Variants in SH3TC2 observed in about 807,000 individuals in gnomAD.
SH3TC2 encodes the protein SH3 domain and tetratricopeptide repeat-containing protein 2.
SH3TC2 carries 87 observed loss-of-function variants against 124.5 expected under a neutral mutation model. That is an observed-to-expected ratio of 0.70 (90% CI 0.59 to 0.84). The LOEUF (loss-of-function observed/expected upper bound fraction) is 0.84, where lower values mean the gene tolerates loss of function less well. SH3TC2 is among the 40% of genes least tolerant of loss of function. SH3TC2 has a pLI of 0.00. For missense variants in SH3TC2, 1,536 were observed against 1,566.4 expected (o/e 0.98, Z 0.33); for synonymous variants, 634 against 628.5 (o/e 1.01, Z -0.13).
Position 149,001,763 on chromosome 5 carries a change from C to A in SH3TC2, c.*2948G>T, listed in dbSNP as rs1753601941. 6.6e-6 allele frequency: 1 copy of A among 151,978 alleles called. No individual in the cohort carries two copies. The highest frequency in any genetic ancestry group is 2.1e-4 in the South Asian group (1 of 4,828). 9.4% of individuals were successfully genotyped at this position (151,978 alleles called of 1,614,324 possible). A position where few individuals can be genotyped will look rare whatever the true frequency, so the allele number is the denominator to read the frequency against. On this transcript the variant is annotated 3_prime_UTR_variant, in exon 17 of 17. Transcript: ENST00000515425. ...TAACTGACCTGGTTATGGGTAAATTCATCAGATTTATAGGTAAATCAAAGT... is the reference window on the plus strand; with the variant it reads ...TAACTGACCTGGTTATGGGTAAATTAATCAGATTTATAGGTAAATCAAAGT...
In SH3TC2 at chr5:148,994,081, T is replaced by C. The variant is rs1021914202; in HGVS notation, c.*10630A>G. ...TAAGCAGTGGAGCTGTTCAGTCTAC[T>C]ACCATGCATCCCAGACAGGATGTTC... is the stretch of plus-strand genomic sequence containing the variant. On this transcript the variant is annotated 3_prime_UTR_variant, in exon 17 of 17. Transcript: ENST00000515425. 9.8e-5 allele frequency among the ~76,000 whole-genome samples: 15 copies of C among 152,354 alleles called. No homozygotes were observed. Among genetic ancestry groups the C allele is most frequent in the African/African-American group, 3.6e-4 (15 of 41,582 alleles).
intron 5 of SH3TC2, 66 bp from the exon 6 acceptor site, chr5:149,041,683 C>T: frequency 3.3e-6 from 5 of 1,528,806 alleles, no homozygotes; most frequent in Non-Finnish European, 4.5e-6. Context: ...GATTATCACA[C>T]AAAGTAATGC....
At chr5:149,025,381 A>G (rs1490758735) in intron 12 of SH3TC2, among the ~76,000 whole-genome samples, 1 of 152,226 alleles carries the variant, frequency 6.6e-6, no homozygotes, top group Non-Finnish European at 1.5e-5. Context: ...CTGATTGTCC[A>G]GGTGCACACA....
At position 149,026,857 on chromosome 5, in the gene SH3TC2, T is replaced by C; in HGVS notation, c.2872+3A>G. 6.2e-7 allele frequency: 1 copy of C among 1,614,236 alleles called. No homozygotes were observed. The highest frequency in any genetic ancestry group is 2.2e-5 in the East Asian group (1 of 44,886). On this transcript the variant is annotated splice_donor_region_variant and intron_variant, in intron 11 of 16. Coordinates refer to ENST00000515425, the MANE Select transcript of SH3TC2 (RefSeq NM_024577.4). ...GCTTCCCAGCAGCATGGGACATACT[T>C]ACTCTTTAGATGTCGATGCCTTAAG...
Position 148,990,252 on chromosome 5 carries a change from A to G in SH3TC2, c.*14459T>C, listed in dbSNP as rs1030064403. 1.3e-4 allele frequency among the ~76,000 whole-genome samples: 19 copies of G among 151,312 alleles called. No homozygotes were observed. Among genetic ancestry groups the G allele is most frequent in the African/African-American group, 4.4e-4 (18 of 40,722 alleles). ...GACATTGGTCATTTAAAATATATTCATAGTAAGATGACAAACTGTTCCTCT... is the reference window on the plus strand; with the variant it reads ...GACATTGGTCATTTAAAATATATTCGTAGTAAGATGACAAACTGTTCCTCT... On this transcript the variant is annotated 3_prime_UTR_variant, in exon 17 of 17. Transcript: ENST00000515425.
chr5:148,996,216 C>G lies in SH3TC2; in HGVS notation c.*8495G>C, dbSNP rs1212239868. 6.6e-6 allele frequency among the ~76,000 whole-genome samples: 1 copy of G among 152,006 alleles called. No individual in the cohort carries two copies. The highest frequency in any genetic ancestry group is 2.4e-5 in the African/African-American group (1 of 41,372). On this transcript the variant is annotated 3_prime_UTR_variant, in exon 17 of 17. Transcript: ENST00000515425. ...TCGAGGTAGCAGTGAACCATGGCCA[C>G]CCCACTGCACTCCAGCCTGGGCAAC...
rs752423955 is a variant in SH3TC2, at chr5:148,988,307, A to G, written c.*16404T>C. 6.6e-6 allele frequency among the ~76,000 whole-genome samples: 1 copy of G among 152,184 alleles called. No homozygotes were observed. Among genetic ancestry groups the G allele is most frequent in the Non-Finnish European group, 1.5e-5 (1 of 68,028 alleles). On this transcript the variant is annotated 3_prime_UTR_variant, in exon 17 of 17. Transcript: ENST00000515425. ...TCTGGTCTTGTAAAGCTGCCTTACT[A>G]TCTAGTCCCCAAGATAGCCCCAAGT...
chr5:149,037,974 C>T (rs959914075), intron 8 of SH3TC2, among the ~76,000 whole-genome samples: 2 of 152,102 alleles, frequency 1.3e-5, no homozygotes, highest in African/African-American at 4.8e-5. Context: ...TCTGAAGGGG[C>T]CCTGTGGTTA....
chr5:149,029,674 G>A (rs555271812), intron 9 of SH3TC2, among the ~76,000 whole-genome samples: 99 of 152,088 alleles, frequency 6.5e-4, no homozygotes, highest in Non-Finnish European at 1.2e-3. Context: ...GAGAGAAAAG[G>A]GGGTTACAGA....
intron 13 of SH3TC2, 101 bp from the exon 14 acceptor site, chr5:149,010,493 C>T (rs1455189702): frequency 5.2e-6 from 8 of 1,527,184 alleles, no homozygotes; most frequent in Admixed American, 1.8e-5. Context: ...TCAACTAATC[C>T]TCTGCTAAAG....
chr5:149,033,135 C>T (rs1427649910), intron 8 of SH3TC2, among the ~76,000 whole-genome samples: 1 of 152,080 alleles, frequency 6.6e-6, no homozygotes, highest in Non-Finnish European at 1.5e-5. Flanking sequence ...AATTGCATGG[C>T]TAGAAAGTGG....
At chr5:149,016,078 T>G (rs950799578) in intron 12 of SH3TC2, among the ~76,000 whole-genome samples, 4 of 152,376 alleles carry the variant, frequency 2.6e-5, no homozygotes, top group African/African-American at 9.6e-5. Flanking sequence ...AATGGTAGTA[T>G]TATTACCTGA....
At chr5:149,059,646 CAAAA>C (rs199998586) in intron 1 of SH3TC2, among the ~76,000 whole-genome samples, 1 of 103,488 alleles carries the variant, frequency 9.7e-6, no homozygotes. Flanking sequence ...TAATGTTTAG[CAAAA>C]AAAAAAAAAA....
chr5:149,004,866 G>T lies in SH3TC2; in HGVS notation c.3712C>A (p.Leu1238Met), dbSNP rs757548779. 26 of 1,614,076 alleles carry T rather than the reference G, an allele frequency of 1.6e-5. No homozygotes were observed. In the African/African-American group the frequency reaches 3.3e-4, roughly 21 times the overall value. Residue 1238 changes from leucine (L) to methionine (M), a missense_variant, in exon 17 of 17, where the codon CTG becomes ATG. Physicochemically the swap from Leu to Met is conservative, Grantham distance 15 (BLOSUM62 2). This residue lies in a region of SH3TC2 where 426 missense variants were observed against 443.5 expected (regional missense o/e 0.96). Transcript: ENST00000515425. Reference sequence around the variant, plus strand: ...TCACCCAGCAGGACCGCTGCTGCCAGGGCCAGAAGGAAGTACTCAGTGGCA... The same window carrying T: ...TCACCCAGCAGGACCGCTGCTGCCATGGCCAGAAGGAAGTACTCAGTGGCA... ...HDATEYFLLA[L>M]AAAVLLGDEE...
chr5:149,057,769 C>G (rs1456644301), intron 1 of SH3TC2: 2 of 152,146 alleles, frequency 1.3e-5, no homozygotes, highest in Non-Finnish European at 2.9e-5. Context: ...GGACTCAAAC[C>G]CTGGCTTCTT....
At position 148,986,763 on chromosome 5, in the gene SH3TC2, C is replaced by T. The variant is rs1012829733; in HGVS notation, c.*17948G>A. 3.9e-5 allele frequency among the ~76,000 whole-genome samples: 6 copies of T among 152,128 alleles called. No individual in the cohort carries two copies. Among genetic ancestry groups the T allele is most frequent in the Admixed American group, 1.3e-4 (2 of 15,286 alleles). On this transcript the variant is annotated 3_prime_UTR_variant, in exon 17 of 17. Transcript: ENST00000515425. ...GAATTGCTCAGTCAACCAAATGTGA[C>T]GAGCCTAAATCCCATTCCCATGCTG...
intron 7 of SH3TC2, among the ~76,000 whole-genome samples, chr5:149,039,682 C>T (rs568101415): frequency 6.6e-6 from 1 of 152,248 alleles, no homozygotes; most frequent in South Asian, 2.1e-4. Flanking sequence ...TTTATTGTAT[C>T]ATTTTACTAA....
chr5:149,042,986 G>C (rs1754398323), intron 4 of SH3TC2, 149 bp from the exon 5 acceptor site: 1 of 865,524 alleles, frequency 1.2e-6, no homozygotes, highest in Non-Finnish European at 1.9e-6. Flanking sequence ...AACATAAGAG[G>C]CAAAGCCAGA....
In SH3TC2 at chr5:148,994,697, A is replaced by AGGATGGATGGATGGATGGATGGATGGAT. The variant is rs201323132; in HGVS notation, c.*9986_*10013dup. Among the ~76,000 whole-genome samples the AGGATGGATGGATGGATGGATGGATGGAT allele has an allele frequency of 6.9e-6, 1 of 144,736 alleles. No individual in the cohort carries two copies. The highest frequency in any genetic ancestry group is 2.0e-4 in the East Asian group (1 of 4,960). The allele number at this position is 144,736 out of a possible 152,430, so 95.0% of individuals were successfully genotyped here. ...TTGGATAAATGAATGGATGGATGGAAGGATGGATGGATGGATGGATGGATG... is the reference window on the plus strand; with the variant it reads ...TTGGATAAATGAATGGATGGATGGAAGGATGGATGGATGGATGGATGGATGGATGGATGGATGGATGGATGGATGGATG... On this transcript the variant is annotated 3_prime_UTR_variant, in exon 17 of 17. Transcript: ENST00000515425.
Sources: allele counts gnomAD v4.1 joint callset (sites outside exome capture counted in the v4.1 genomes callset), GRCh38; gene constraint gnomAD v4.1.1; regional missense constraint gnomAD v4.1.1; transcripts MANE v1.5; gene names NCBI Gene and HGNC (gene_info 2026-07-23, HGNC 2026-07-21).